The following TTLL13 variants were observed in gnomAD, a reference collection of about 807,000 sequenced individuals.
The protein encoded by TTLL13 is tubulin tyrosine ligase like 13.
At chr15:90,257,124 T>G in the TTLL13 span, 2 of 1,610,264 alleles carry the variant, frequency 1.2e-6, no homozygotes, top group African/African-American at 1.3e-5. Flanking sequence ...CCTCATGGGT[T>G]TGCATGCTCC....
chr15:90,255,832 A>G, the TTLL13 span: 3 of 1,613,816 alleles, frequency 1.9e-6, no homozygotes, highest in Non-Finnish European at 2.5e-6. Flanking sequence ...GCATGTACAA[A>G]CTCTATCCCT....
chr15:90,263,838 T>G, the TTLL13 span: 4 of 765,530 alleles, frequency 5.2e-6, no homozygotes, highest in South Asian at 1.5e-5. Context: ...AGCAGGGCGC[T>G]CCTCATTTCC....
the TTLL13 span, chr15:90,255,978 G>A: frequency 6.3e-7 from 1 of 1,591,198 alleles, no homozygotes; most frequent in Non-Finnish European, 8.6e-7. Flanking sequence ...ATGTCTCAGA[G>A]GGATGGAAGT....
At chr15:90,265,010 A>C in the TTLL13 span, 1 of 1,497,980 alleles carries the variant, frequency 6.7e-7, no homozygotes, top group South Asian at 1.3e-5. Context: ...TAACCTCCCC[A>C]GGTTTCCAAA....
the TTLL13 span, chr15:90,265,156 C>G: frequency 1.4e-5 from 17 of 1,237,890 alleles, no homozygotes; most frequent in Non-Finnish European, 1.8e-5. Context: ...AATTGGGGAT[C>G]GGTAAAGACT....
chr15:90,258,594 G>C, the TTLL13 span: 4 of 681,886 alleles, frequency 5.9e-6, no homozygotes, highest in Non-Finnish European at 7.5e-6. Context: ...CTATGGCAGA[G>C]TTTTGTGGCC....
chr15:90,257,565 C>T, the TTLL13 span: 1 of 1,405,192 alleles, frequency 7.1e-7, no homozygotes, highest in African/African-American at 1.4e-5. Context: ...TGGGGAGCAA[C>T]AAGGTAATGA....
At chr15:90,263,938 C>G in the TTLL13 span, 2 of 1,520,512 alleles carry the variant, frequency 1.3e-6, no homozygotes, top group African/African-American at 2.7e-5. Context: ...TCCCCGGTAC[C>G]ATCTGCAGCC....
At chr15:90,260,475 C>T in the TTLL13 span, among the ~76,000 whole-genome samples, 8 of 151,948 alleles carry the variant, frequency 5.3e-5, no homozygotes, top group South Asian at 2.1e-4. Context: ...CCAGCCTGGA[C>T]GATAGAGTGA....
At chr15:90,260,846 G>C in the TTLL13 span, among the ~76,000 whole-genome samples, 2 of 130,370 alleles carry the variant, frequency 1.5e-5, no homozygotes, top group East Asian at 4.8e-4. Context: ...GCAGGACTCT[G>C]TCTCAAAAAA....
the TTLL13 span, among the ~76,000 whole-genome samples, chr15:90,253,667 A>ACCC: frequency 7.2e-5 from 11 of 152,202 alleles, no homozygotes; most frequent in Admixed American, 7.2e-4. Flanking sequence ...TCTTAGGGAG[A>ACCC]ATACTGGGAG....
At chr15:90,250,292 T>G in the TTLL13 span, among the ~76,000 whole-genome samples, 1 of 152,114 alleles carries the variant, frequency 6.6e-6, no homozygotes, top group Non-Finnish European at 1.5e-5. Flanking sequence ...TCTTTCCCAA[T>G]TAGGAACAAA....
At chr15:90,263,172 A>T in the TTLL13 span, 1 of 1,501,880 alleles carries the variant, frequency 6.7e-7, no homozygotes, top group Non-Finnish European at 8.8e-7. Flanking sequence ...AGTCTCCCAG[A>T]GGAAAAGGGA....
chr15:90,263,114 C>T, the TTLL13 span: 26 of 1,529,916 alleles, frequency 1.7e-5, no homozygotes, highest in Non-Finnish European at 2.2e-5. Flanking sequence ...CACCCTGGCC[C>T]CCAGGGCCAG....
At chr15:90,256,545 T>TC in the TTLL13 span, among the ~76,000 whole-genome samples, 7 of 105,392 alleles carry the variant, frequency 6.6e-5, no homozygotes, top group African/African-American at 2.3e-4. Context: ...TCTCCTTCCT[T>TC]TTTCTTTCTT....
chr15:90,256,551 TTCTTTCTTTCTTTCTTTC>T, the TTLL13 span, among the ~76,000 whole-genome samples: 1 of 25,206 alleles, frequency 4.0e-5, no homozygotes, highest in African/African-American at 1.7e-4. Context: ...TCCTTTTTCT[TTCTTTCTTTCTTTCTTTC>T]TTTCTTTCTT....
chr15:90,256,564 T>TC, the TTLL13 span, among the ~76,000 whole-genome samples: 1 of 47,016 alleles, frequency 2.1e-5, no homozygotes, highest in African/African-American at 1.0e-4. Flanking sequence ...TTTCTTTCTT[T>TC]CTTTCTTTCT....
the TTLL13 span, chr15:90,257,991 C>A: frequency 6.4e-7 from 1 of 1,573,654 alleles, no homozygotes; most frequent in South Asian, 1.1e-5. Flanking sequence ...TACAGCCTGG[C>A]CCAGTGGCCT....
chr15:90,253,401 C>A, the TTLL13 span: 1 of 1,533,892 alleles, frequency 6.5e-7, no homozygotes, highest in Non-Finnish European at 9.0e-7. Context: ...CCGACAGGGG[C>A]TAGGGCCCCA....
Sources: allele counts gnomAD v4.1 joint callset (sites outside exome capture counted in the v4.1 genomes callset), GRCh38; gene constraint gnomAD v4.1.1; transcripts MANE v1.5; gene names NCBI Gene and HGNC (gene_info 2026-07-23, HGNC 2026-07-21).